ZNF7: variants seen among roughly 807,000 people sequenced by gnomAD.
ZNF7 encodes C2-H2 type zinc finger protein.
In ZNF7, 10 loss-of-function variants were observed where a neutral mutation model predicts 12.0. That is an observed-to-expected ratio of 0.83 (90% confidence interval 0.51 to 1.42). The LOEUF (loss-of-function observed/expected upper bound fraction) is 1.42, where lower values mean the gene tolerates loss of function less well. Ranked by LOEUF, ZNF7 falls within the 40% of genes most tolerant of loss-of-function variation. The probability of loss-of-function intolerance (pLI) is 0.00; values close to 1 mark genes in which losing one functional copy is unlikely to be tolerated. For synonymous variants in ZNF7, 334 were observed against 295.0 expected (o/e 1.13, Z -1.35); for missense variants, 854 against 837.2 (o/e 1.02, Z -0.25).
intron 3 of ZNF7, chr8:144,830,992 C>T (rs146864070): frequency 2.2e-6 from 1 of 456,358 alleles, no homozygotes; most frequent in East Asian, 6.9e-5. Flanking sequence ...GTGATGGCAA[C>T]CTGTGGGCCT....
rs1830149577 is a variant in ZNF7 at position 144,842,962 on chromosome 8, T to C, written c.1855T>C (p.Ser619Pro). Residue 619 changes from serine to proline, a missense_variant, in exon 5 of 5, where the codon TCC becomes CCC. Coordinates refer to ENST00000532777, the MANE Select transcript of ZNF7 (RefSeq NM_003416.4). ...FYEYGNALEGSTFVSRKKVNT... is the reference protein window; with the variant it reads ...FYEYGNALEGPTFVSRKKVNT... The stretch of plus-strand genomic sequence containing the variant: ...CGAATATGGGAATGCCCTGGAAGGG[T>C]CCACCTTTGTGAGCCGTAAAAAGGT... 6.2e-7 allele frequency: 1 copy of C among 1,613,972 alleles called. No homozygotes were observed. Among genetic ancestry groups the C allele is most frequent in the Non-Finnish European group, 8.5e-7 (1 of 1,180,030 alleles).
intron 2 of ZNF7, 150 bp from the exon 3 acceptor site, chr8:144,829,328 C>T: frequency 6.5e-7 from 1 of 1,540,434 alleles, no homozygotes; most frequent in East Asian, 2.3e-5. Context: ...CTCCCCGAGA[C>T]TGCCCCTCCC....
rs752645345 is a variant in ZNF7 at position 144,841,970 on chromosome 8, G to A, written c.863G>A (p.Arg288His). The change falls in exon 5 of 5, where the codon CGC (arginine) becomes CAC (histidine). Residue 288 changes from arginine (R) to histidine (H), a missense_variant. Arg to His is a conservative substitution (Grantham distance 29, BLOSUM62 0). Coordinates refer to ENST00000532777, the MANE Select transcript of ZNF7 (RefSeq NM_003416.4). ...FKCTECGKAF[R>H]LSSKLIQHQR... ...TGCACTGAGTGTGGAAAAGCCTTCC[G>A]CCTGAGCTCAAAACTTATTCAGCAT... 33 of 1,614,034 alleles carry A rather than the reference G, an allele frequency of 2.0e-5. No individual in the cohort carries two copies. In the East Asian group the frequency reaches 3.3e-4, roughly 16 times the overall value.
At chr8:144,844,845 T>C (rs1409712732), downstream of ZNF7, among the ~76,000 whole-genome samples, 1 of 149,198 alleles carries the variant, frequency 6.7e-6, no homozygotes, top group Non-Finnish European at 1.5e-5. Context: ...GAAAAGATGG[T>C]TGAGTGAAGA....
intron 2 of ZNF7, 146 bp from the exon 3 acceptor site, chr8:144,829,332 C>T (rs1670070050): frequency 3.3e-5 from 51 of 1,542,548 alleles, no homozygotes; most frequent in Middle Eastern, 2.0e-4. Context: ...CCGAGACTGC[C>T]CCTCCCCAGA....
At chr8:144,831,764 C>CA (rs1828485334) in intron 3 of ZNF7, among the ~76,000 whole-genome samples, 1 of 79,976 alleles carries the variant, frequency 1.3e-5, no homozygotes, top group African/African-American at 4.1e-5. Context: ...GCCTGGGCAA[C>CA]AGAGCGAGAC....
intron 3 of ZNF7, chr8:144,834,141 G>A (rs1250509465): frequency 6.6e-6 from 1 of 152,182 alleles, no homozygotes; most frequent in African/African-American, 2.4e-5. Flanking sequence ...GGAGTGCTTT[G>A]AAACTGTTTT....
Position 144,841,948 on chromosome 8 carries a change from A to C in ZNF7, c.841A>C (p.Thr281Pro). The change falls in exon 5 of 5, where the codon ACT becomes CCT. Residue 281 changes from threonine to proline, a missense_variant. Coordinates refer to ENST00000532777, the MANE Select transcript of ZNF7 (RefSeq NM_003416.4). ...IHTGEKPFKCTECGKAFRLSS... is the reference protein window; with the variant it reads ...IHTGEKPFKCPECGKAFRLSS... The stretch of plus-strand genomic sequence containing the variant: ...CACGGGAGAGAAACCCTTTAAATGC[A>C]CTGAGTGTGGAAAAGCCTTCCGCCT... 1 of 1,614,108 alleles carries C rather than the reference A, an allele frequency of 6.2e-7. No homozygotes were observed. The highest frequency in any genetic ancestry group is 2.2e-5 in the East Asian group (1 of 44,882).
intron 1 of ZNF7, among the ~76,000 whole-genome samples, chr8:144,828,490 G>A (rs982646873): frequency 6.6e-6 from 1 of 151,922 alleles, no homozygotes; most frequent in Non-Finnish European, 1.5e-5. Flanking sequence ...TTGCTGCCGG[G>A]AATTTACCCA....
At chr8:144,837,268 G>A in intron 3 of ZNF7, 123 bp from the exon 4 acceptor site, 2 of 717,784 alleles carry the variant, frequency 2.8e-6, no homozygotes, top group Non-Finnish European at 2.3e-6. Context: ...TCTCCCTGCA[G>A]GAGCTTGGCC....
At chr8:144,833,346 T>G (rs554499112) in intron 3 of ZNF7, among the ~76,000 whole-genome samples, 2 of 148,002 alleles carry the variant, frequency 1.4e-5, no homozygotes, top group South Asian at 2.2e-4. Context: ...GTTTTGGTTT[T>G]TTTTTGTTTG....
chr8:144,839,805 A>C (rs1829624330), intron 4 of ZNF7, among the ~76,000 whole-genome samples: 2 of 152,186 alleles, frequency 1.3e-5, no homozygotes, highest in Non-Finnish European at 2.9e-5. Context: ...GGCCCAGAGC[A>C]GTGGAGGAGC....
At chr8:144,830,265 G>A (rs747779746) in intron 3 of ZNF7, among the ~76,000 whole-genome samples, 1 of 152,254 alleles carries the variant, frequency 6.6e-6, no homozygotes, top group Non-Finnish European at 1.5e-5. Context: ...TTGGCCAGGA[G>A]CTTCTTGGGG....
In ZNF7 at chr8:144,841,492, G is replaced by C. The variant is rs1264989219; in HGVS notation, c.385G>C (p.Glu129Gln). ...TGGCTTTGGAGACGTTTCTGATTCT[G>C]AGGTCTGGTTAGACAGTCATCTGGG... is the stretch of plus-strand genomic sequence containing the variant. Reference protein sequence around the residue: ...NPGFGDVSDSEVWLDSHLGSP... With the variant: ...NPGFGDVSDSQVWLDSHLGSP... Residue 129 changes from glutamate to glutamine, a missense_variant, in exon 5 of 5, where the codon GAG (glutamate) becomes CAG (glutamine). Physicochemically the swap from Glu to Gln is conservative, Grantham distance 29. Coordinates refer to ENST00000532777, the MANE Select transcript of ZNF7 (RefSeq NM_003416.4). 1 of 1,614,060 alleles carries C rather than the reference G, an allele frequency of 6.2e-7. No homozygotes were observed. Among genetic ancestry groups the C allele is most frequent in the Non-Finnish European group, 8.5e-7 (1 of 1,180,060 alleles).
intron 3 of ZNF7, chr8:144,830,974 C>G (rs1345668831): frequency 2.2e-6 from 1 of 456,496 alleles, no homozygotes; most frequent in South Asian, 1.5e-5. Context: ...TGTGTCCATG[C>G]TTTCCACGTG....
At position 144,841,627 on chromosome 8, in the gene ZNF7, C is replaced by G; in HGVS notation, c.520C>G (p.Leu174Val). The part of the protein sequence containing the change: ...TKDAPQGCKE[L>V]GSSGLDCQPL... ...GGACGCACCCCAGGGATGTAAGGAGCTGGGAAGCAGCGGCCTGGATTGTCA... is the reference window on the plus strand; with the variant it reads ...GGACGCACCCCAGGGATGTAAGGAGGTGGGAAGCAGCGGCCTGGATTGTCA... The change falls in exon 5 of 5, where the codon CTG becomes GTG. Residue 174 changes from leucine (L) to valine (V), a missense_variant. Coordinates refer to ENST00000532777, the MANE Select transcript of ZNF7 (RefSeq NM_003416.4). The G allele has an allele frequency of 6.2e-7, 1 of 1,614,228 alleles. No homozygotes were observed. The highest frequency in any genetic ancestry group is 8.5e-7 in the Non-Finnish European group (1 of 1,180,048).
intron 3 of ZNF7, among the ~76,000 whole-genome samples, chr8:144,833,122 T>C (rs1828628263): frequency 6.9e-6 from 1 of 145,288 alleles, no homozygotes; most frequent in Non-Finnish European, 1.5e-5. Context: ...CGCTTGAACC[T>C]GGGAGGTTGA....
intron 2 of ZNF7, 139 bp downstream of exon 2, chr8:144,829,229 A>T: frequency 6.4e-7 from 1 of 1,558,712 alleles, no homozygotes. Flanking sequence ...ACCCCAAGGT[A>T]GTGAGCAAAC....
At position 144,841,754 on chromosome 8, in the gene ZNF7, AAATT is replaced by A. The variant is rs781091698; in HGVS notation, c.651_654del (p.Asn218HisfsTer71). On this transcript the variant is annotated frameshift_variant, in exon 5 of 5. Coordinates refer to ENST00000532777, the MANE Select transcript of ZNF7 (RefSeq NM_003416.4). LOFTEE classifies it low-confidence loss of function (END_TRUNC). ...ACTTCAGATATCGCTCTGCATTGGG[AAATT>A]AATACACAGAAAATTAGCAGATGTC... 27 of 1,614,048 alleles carry A rather than the reference AAATT, an allele frequency of 1.7e-5. No homozygotes were observed. The highest frequency in any genetic ancestry group is 2.5e-6 in the Non-Finnish European group (3 of 1,180,044).
Sources: gnomAD v4.1 joint callset for allele counts (sites outside exome capture counted in the v4.1 genomes callset) on GRCh38, gnomAD v4.1.1 for gene constraint, MANE v1.5 for transcripts, NCBI Gene and HGNC (gene_info 2026-07-23, HGNC 2026-07-21) for gene names.